DMD: variants seen among roughly 807,000 people sequenced by gnomAD.
DMD encodes dystrophin.
Under a neutral mutation model 330.1 loss-of-function variants are expected in DMD, and 63 were observed. The ratio of observed to expected loss-of-function variants is 0.19; its 90% CI spans 0.16 to 0.24. DMD has a LOEUF of 0.24. DMD is among the 10% of genes least tolerant of loss of function. The pLI is 1.00. For synonymous variants in DMD, 1,223 were observed against 959.8 expected (o/e 1.27, Z -5.07); for missense variants, 3,344 against 2,684.1 (o/e 1.25, Z -5.43).
chrX:32,119,981 G>C (rs2096627987), intron 44 of DMD, among the ~76,000 whole-genome samples: 1 of 111,787 alleles, frequency 8.9e-6, no homozygotes, highest in Non-Finnish European at 1.9e-5. Context: ...TTGAAGGGAG[G>C]GGCTGTGTCT....
intron 60 of DMD, among the ~76,000 whole-genome samples, chrX:31,351,725 CAAAAAAA>C (rs3061693): frequency 1.1e-4 from 6 of 53,027 alleles, no homozygotes; most frequent in Non-Finnish European, 2.0e-4. Context: ...GACTCCATCT[CAAAAAAA>C]AAAAAAAAAA....
At chrX:32,250,652 C>T (rs1291677430) in intron 43 of DMD, among the ~76,000 whole-genome samples, 1 of 111,752 alleles carries the variant, frequency 8.9e-6, no homozygotes, top group Non-Finnish European at 1.9e-5. Context: ...GCATTGCATT[C>T]GCAATCAACA....
intron 52 of DMD, among the ~76,000 whole-genome samples, chrX:31,684,055 A>C (rs907343614): frequency 1.1e-4 from 12 of 112,222 alleles, no homozygotes; most frequent in African/African-American, 3.9e-4. Flanking sequence ...ACTTGGATTC[A>C]AGAAGTTAGA....
chrX:32,707,823 T>A (rs986381075), intron 7 of DMD, among the ~76,000 whole-genome samples: 15 of 111,987 alleles, frequency 1.3e-4, no homozygotes, highest in African/African-American at 4.9e-4. Context: ...GAAAAACATC[T>A]GTACTTTCTT....
intron 16 of DMD, among the ~76,000 whole-genome samples, chrX:32,565,147 C>A (rs990118847): frequency 9.0e-6 from 1 of 110,777 alleles, no homozygotes; most frequent in Non-Finnish European, 1.9e-5. Context: ...ATCTACAGCC[C>A]GTATGTGTTA....
chrX:32,765,293 C>T (rs181800215), intron 7 of DMD, among the ~76,000 whole-genome samples: 1 of 110,316 alleles, frequency 9.1e-6, no homozygotes, highest in East Asian at 2.9e-4. Flanking sequence ...TTAGTACTGT[C>T]CGCTTGGTAC....
At chrX:32,733,478 C>G (rs1254279202) in intron 7 of DMD, among the ~76,000 whole-genome samples, 3 of 110,893 alleles carry the variant, frequency 2.7e-5, no homozygotes, top group Non-Finnish European at 3.8e-5. Context: ...CAGCACCACA[C>G]CACACCTATT....
chrX:31,579,255 T>C (rs2076238827), intron 55 of DMD, among the ~76,000 whole-genome samples: 1 of 112,285 alleles, frequency 8.9e-6, no homozygotes, highest in African/African-American at 3.2e-5. Context: ...TGAGAGTCTT[T>C]GTGAACATTT....
chrX:32,911,214 A>G (rs2087211264), intron 2 of DMD, among the ~76,000 whole-genome samples: 1 of 111,974 alleles, frequency 8.9e-6, no homozygotes, highest in Admixed American at 9.5e-5. Context: ...CTTGTAAACA[A>G]TTTCACATTA....
intron 7 of DMD, among the ~76,000 whole-genome samples, chrX:32,751,458 G>A (rs972051296): frequency 9.9e-5 from 11 of 111,578 alleles, no homozygotes; most frequent in African/African-American, 2.0e-4. Context: ...GTGATTTAGC[G>A]TTATCTGGTG....
Position 31,724,569 on chromosome X carries a change from C to G in DMD, c.7660+5062G>C, listed in dbSNP as rs945942754. ...AAAATCCTTAGCTGAAAAAATAATT[C>G]CAAAATAAACGACTCCCTCTTAAAA... On this transcript the variant is annotated intron_variant, in intron 52 of 78. Coordinates refer to ENST00000357033, the MANE Select transcript of DMD (RefSeq NM_004006.3). Among the ~76,000 whole-genome samples, 11 of 111,134 alleles carry G rather than the reference C, an allele frequency of 9.9e-5. No homozygotes were observed. In the Admixed American group the frequency reaches 1.1e-3, roughly 11 times the overall value.
rs5972602 is a variant in DMD at position 32,581,084 on chromosome X, G to A, written c.1603-7238C>T. On this transcript the variant is annotated intron_variant, in intron 13 of 78. Coordinates refer to ENST00000357033, the MANE Select transcript of DMD (RefSeq NM_004006.3). Reference sequence around the variant, plus strand: ...CAAGTGATCTGCCCGCCTCGGCCTCGCAAAGTGCTGGGATTGCAGGCGTGA... The same window carrying A: ...CAAGTGATCTGCCCGCCTCGGCCTCACAAAGTGCTGGGATTGCAGGCGTGA... Among the ~76,000 whole-genome samples, 9 of 111,513 alleles carry A rather than the reference G, an allele frequency of 8.1e-5. No homozygotes were observed. The South Asian group carries it at 1.1e-3, about 14-fold the overall frequency.
chrX:33,207,255 C>CTATG (rs2051630495), intron 1 of DMD, among the ~76,000 whole-genome samples: 1 of 111,216 alleles, frequency 9.0e-6, no homozygotes, highest in Admixed American at 9.6e-5. Flanking sequence ...AACAGAAAGG[C>CTATG]TATGCCCTGG....
At chrX:31,574,647 G>T (rs1202395539) in intron 55 of DMD, among the ~76,000 whole-genome samples, 1 of 111,267 alleles carries the variant, frequency 9.0e-6, no homozygotes. Context: ...AAACCAAGGG[G>T]AAATGACTTC....
intron 44 of DMD, among the ~76,000 whole-genome samples, chrX:32,172,614 C>A (rs1194134065): frequency 2.7e-5 from 3 of 111,352 alleles, no homozygotes; most frequent in Non-Finnish European, 5.6e-5. Flanking sequence ...TCCCACAGCA[C>A]CCTCTTCATC....
At chrX:32,904,756 G>C (rs1012970358) in intron 2 of DMD, among the ~76,000 whole-genome samples, 3 of 110,876 alleles carry the variant, frequency 2.7e-5, no homozygotes. Flanking sequence ...TTGTATTTTT[G>C]GTAGAGACAG....
At chrX:32,456,958 TA>T (rs59677275) in intron 25 of DMD, among the ~76,000 whole-genome samples, 12,878 of 79,945 alleles carry the variant, frequency 0.16, 1,018 homozygotes, top group African/African-American at 0.25. Flanking sequence ...TCCAGATTGT[TA>T]AAAAAAAAAA....
chrX:32,118,423 C>T (rs1011501721), intron 44 of DMD, among the ~76,000 whole-genome samples: 1 of 111,357 alleles, frequency 9.0e-6, no homozygotes, highest in African/African-American at 3.3e-5. Flanking sequence ...CATGGTTAAG[C>T]TCCAGCAATT....
At chrX:32,001,897 A>C in intron 44 of DMD, among the ~76,000 whole-genome samples, 1 of 111,853 alleles carries the variant, frequency 8.9e-6, no homozygotes, top group East Asian at 2.8e-4. Flanking sequence ...AATTAGGATC[A>C]TGATTTCTTG....
Sources: allele counts gnomAD v4.1 joint callset (sites outside exome capture counted in the v4.1 genomes callset), GRCh38; gene constraint gnomAD v4.1.1; transcripts MANE v1.5; gene names NCBI Gene and HGNC (gene_info 2026-07-23, HGNC 2026-07-21).